Variants in SLC5A1 observed in about 807,000 individuals in gnomAD.
The protein encoded by SLC5A1 is sodium/glucose cotransporter 1.
A neutral mutation model predicts 73.5 loss-of-function variants in SLC5A1; 42 were observed. The observed-to-expected ratio is 0.57, with a 90% CI of 0.45 to 0.74. The LOEUF (loss-of-function observed/expected upper bound fraction) is 0.74. Ranked by LOEUF, SLC5A1 falls within the 30% of genes least tolerant of loss-of-function variation. The probability of loss-of-function intolerance (pLI) is 0.00; values close to 1 mark genes in which losing one functional copy is unlikely to be tolerated. For missense variants in SLC5A1, 634 were observed against 855.4 expected (o/e 0.74, Z 3.23); for synonymous variants, 300 against 317.4 (o/e 0.95, Z 0.58).
At chr22:32,082,454 C>G (rs1241183766) in intron 6 of SLC5A1, among the ~76,000 whole-genome samples, 3 of 152,132 alleles carry the variant, frequency 2.0e-5, no homozygotes, top group Non-Finnish European at 2.9e-5. Context: ...TTTGGAAAGC[C>G]AGGCAGAGGC....
rs1161317448 is a variant in SLC5A1 at position 32,090,116 on chromosome 22, AAC to A, written c.1130-1494_1130-1493del. Reference sequence around the variant, plus strand: ...CTTGTCTTTCAAAAAAAAAAAAAAAAACAAAAAAACTTAATTGAGCTTAAATT... The same window carrying A: ...CTTGTCTTTCAAAAAAAAAAAAAAAAAAAAAAACTTAATTGAGCTTAAATT... On this transcript the variant is annotated intron_variant, in intron 10 of 14. Transcript: ENST00000266088. Among the ~76,000 whole-genome samples the A allele has an allele frequency of 5.4e-4, 82 of 151,326 alleles. No homozygotes were observed. In the East Asian group the frequency reaches 5.8e-3, roughly 11 times the overall value.
Position 32,084,502 on chromosome 22 carries a change from T to A in SLC5A1, c.728T>A (p.Ile243Lys), listed in dbSNP as rs755240209. Residue 243 changes from isoleucine to lysine, a missense_variant, in exon 8 of 15, where the codon ATA becomes AAA. Ile to Lys is a moderately radical substitution (Grantham distance 102, BLOSUM62 -3). This residue lies in a region of SLC5A1 where 422 missense variants were observed against 626.1 expected (regional missense o/e 0.67). Transcript: ENST00000266088. Reference protein sequence around the residue: ...MEKYMKAIPTIVSDGNTTFQE... With the variant: ...MEKYMKAIPTKVSDGNTTFQE... ...AAGTACATGAAAGCCATTCCAACCA[T>A]AGTGTCTGATGGCAACACCACCTTT... 6.2e-7 allele frequency: 1 copy of A among 1,614,218 alleles called. No homozygotes were observed. Among genetic ancestry groups the A allele is most frequent in the Non-Finnish European group, 8.5e-7 (1 of 1,180,026 alleles).
chr22:32,104,695 C>CTTCCT (rs1433729690), intron 13 of SLC5A1, 91 bp from the exon 14 acceptor site: 3 of 888,304 alleles, frequency 3.4e-6, no homozygotes, highest in Non-Finnish European at 5.6e-6. Flanking sequence ...ATTCCCTTCC[C>CTTCCT]TTCCTTGATG....
At chr22:32,060,199 AT>A (rs200047863) in intron 2 of SLC5A1, among the ~76,000 whole-genome samples, 1 of 136,560 alleles carries the variant, frequency 7.3e-6, no homozygotes, top group Non-Finnish European at 1.6e-5. Flanking sequence ...ATATATATAT[AT>A]TTTTTTAAGA....
intron 11 of SLC5A1, among the ~76,000 whole-genome samples, chr22:32,097,893 G>C (rs748425477): frequency 2.0e-5 from 3 of 152,176 alleles, no homozygotes; most frequent in African/African-American, 7.2e-5. Context: ...TCCAGAATAT[G>C]TAAGCAGCTC....
intron 14 of SLC5A1, among the ~76,000 whole-genome samples, chr22:32,108,844 T>C (rs1378372141): frequency 6.6e-6 from 1 of 152,200 alleles, no homozygotes; most frequent in East Asian, 1.9e-4. Flanking sequence ...GTCACTGAGA[T>C]TCTTTCCAGT....
intron 11 of SLC5A1, among the ~76,000 whole-genome samples, chr22:32,097,302 A>T (rs958175286): frequency 1.3e-5 from 2 of 152,222 alleles, no homozygotes; most frequent in Admixed American, 1.3e-4. Context: ...CTCCTGGGGA[A>T]GGGAGAACCT....
intron 10 of SLC5A1, among the ~76,000 whole-genome samples, chr22:32,089,238 T>G (rs1225053382): frequency 6.6e-6 from 1 of 152,160 alleles, no homozygotes; most frequent in Non-Finnish European, 1.5e-5. Context: ...AACTTCTATA[T>G]CTCTGATAGT....
intron 1 of SLC5A1, among the ~76,000 whole-genome samples, chr22:32,046,648 C>T (rs1204505260): frequency 6.6e-6 from 1 of 152,206 alleles, no homozygotes; most frequent in Admixed American, 6.5e-5. Flanking sequence ...ACAGGCCACA[C>T]TTGAGGCTTC....
chr22:32,068,627 G>C, intron 5 of SLC5A1, 27 bp downstream of exon 5: 2 of 1,491,298 alleles, frequency 1.3e-6, no homozygotes, highest in Non-Finnish European at 1.9e-6. Flanking sequence ...AGAGGGCTGG[G>C]CTGTCTCAGA....
At chr22:32,045,938 G>A (rs1261546912) in intron 1 of SLC5A1, among the ~76,000 whole-genome samples, 1 of 152,114 alleles carries the variant, frequency 6.6e-6, no homozygotes, top group Non-Finnish European at 1.5e-5. Context: ...ACTTCTCAAG[G>A]GTTGTGAAAA....
At chr22:32,079,926 C>G (rs1181483125) in intron 5 of SLC5A1, among the ~76,000 whole-genome samples, 1 of 152,192 alleles carries the variant, frequency 6.6e-6, no homozygotes, top group Non-Finnish European at 1.5e-5. Flanking sequence ...GAGGGCAAGG[C>G]AGAATGGAAG....
intron 11 of SLC5A1, among the ~76,000 whole-genome samples, chr22:32,092,932 C>T (rs1287066521): frequency 1.3e-5 from 2 of 152,136 alleles, no homozygotes; most frequent in South Asian, 2.1e-4. Context: ...TTTATAGTTT[C>T]AGGTCTTAGA....
rs199653525 is a variant in SLC5A1, at chr22:32,093,554, CTTTCT to C, written c.1280+1808_1280+1812del. Among the ~76,000 whole-genome samples, 860 of 150,100 alleles carry C rather than the reference CTTTCT, an allele frequency of 5.7e-3. 13 individuals are homozygous for C. Among genetic ancestry groups the C allele is most frequent in the African/African-American group, 0.019 (776 of 40,672 alleles). The stretch of plus-strand genomic sequence containing the variant: ...TAGGTATATTCCTAAGTCTTTTTTC[CTTTCT>C]TTTCTTTTCTTTTCTCTTCTCTCTC... On this transcript the variant is annotated intron_variant, in intron 11 of 14. Transcript: ENST00000266088.
intron 11 of SLC5A1, among the ~76,000 whole-genome samples, chr22:32,098,726 T>C (rs534234385): frequency 6.6e-6 from 1 of 152,250 alleles, no homozygotes; most frequent in South Asian, 2.1e-4. Context: ...TTATATTTGC[T>C]GCTGGTAGTG....
chr22:32,060,044 CACACACACATATAT>C (rs1212813303), intron 2 of SLC5A1, among the ~76,000 whole-genome samples: 1 of 142,708 alleles, frequency 7.0e-6, no homozygotes, highest in South Asian at 2.2e-4. Flanking sequence ...CACACACACA[CACACACACATATAT>C]ACACACACAT....
At chr22:32,063,466 A>G (rs1403050988) in intron 2 of SLC5A1, among the ~76,000 whole-genome samples, 1 of 152,166 alleles carries the variant, frequency 6.6e-6, no homozygotes, top group Non-Finnish European at 1.5e-5. Context: ...AAACATTCAA[A>G]CTTGAGTTGT....
intron 2 of SLC5A1, among the ~76,000 whole-genome samples, chr22:32,063,063 G>T (rs926107624): frequency 6.6e-6 from 1 of 152,116 alleles, no homozygotes; most frequent in African/African-American, 2.4e-5. Flanking sequence ...TATGGGGAGA[G>T]AGAGAAAGAG....
chr22:32,100,744 T>TG, intron 12 of SLC5A1, among the ~76,000 whole-genome samples: 1 of 152,158 alleles, frequency 6.6e-6, no homozygotes, highest in East Asian at 1.9e-4. Context: ...AAATAGTGCA[T>TG]GGGGGATGAA....
Sources: gnomAD v4.1 joint callset for allele counts (sites outside exome capture counted in the v4.1 genomes callset) on GRCh38, gnomAD v4.1.1 for gene constraint, gnomAD v4.1.1 regional missense constraint, MANE v1.5 for transcripts, NCBI Gene and HGNC (gene_info 2026-07-23, HGNC 2026-07-21) for gene names.